GRIK3: variants seen among roughly 807,000 people sequenced by gnomAD.
The protein encoded by GRIK3 is glutamate receptor ionotropic, kainate 3.
In GRIK3, 29 loss-of-function variants were observed where a neutral mutation model predicts 102.5. The ratio of observed to expected loss-of-function variants is 0.28; its 90% confidence interval spans 0.21 to 0.39. GRIK3 has a LOEUF of 0.39. GRIK3 is among the 10% of genes least tolerant of loss of function. The pLI is 1.00. For synonymous variants in GRIK3, 511 were observed against 504.9 expected (o/e 1.01, Z -0.16); for missense variants, 908 against 1,252.4 (o/e 0.73, Z 4.15).
intron 1 of GRIK3, among the ~76,000 whole-genome samples, chr1:36,892,551 A>G (rs965472895): frequency 2.0e-5 from 3 of 152,062 alleles, no homozygotes; most frequent in African/African-American, 4.8e-5. Flanking sequence ...AGATATAAAC[A>G]TAGCCTTAAA....
intron 1 of GRIK3, among the ~76,000 whole-genome samples, chr1:36,988,537 G>A (rs1267105755): frequency 2.6e-5 from 4 of 152,266 alleles, no homozygotes; most frequent in Admixed American, 1.3e-4. Flanking sequence ...AGCCCTTTCC[G>A]TGGGAGGACT....
intron 1 of GRIK3, among the ~76,000 whole-genome samples, chr1:36,915,049 A>T (rs1400596492): frequency 1.3e-5 from 2 of 152,168 alleles, no homozygotes; most frequent in African/African-American, 4.8e-5. Context: ...ATTCTGAGCG[A>T]CCTTGTCCTT....
At chr1:36,881,431 C>G (rs1640975735) in intron 2 of GRIK3, among the ~76,000 whole-genome samples, 2 of 152,128 alleles carry the variant, frequency 1.3e-5, no homozygotes, top group African/African-American at 4.8e-5. Flanking sequence ...ACCTCCTTCA[C>G]CTCCATAAAC....
intron 1 of GRIK3, among the ~76,000 whole-genome samples, chr1:36,950,978 T>G (rs1014809997): frequency 6.6e-6 from 1 of 152,100 alleles, no homozygotes; most frequent in Admixed American, 6.5e-5. Context: ...GGGCCCCAGG[T>G]TTTTCTAAAT....
chr1:36,945,414 A>C (rs1450167921), intron 1 of GRIK3, among the ~76,000 whole-genome samples: 1 of 152,220 alleles, frequency 6.6e-6, no homozygotes, highest in Non-Finnish European at 1.5e-5. Context: ...ATGGGCTCTC[A>C]GGCCTCTGGG....
At chr1:37,032,777 C>T (rs980681173) in intron 1 of GRIK3, among the ~76,000 whole-genome samples, 1 of 152,164 alleles carries the variant, frequency 6.6e-6, no homozygotes, top group Admixed American at 6.5e-5. Context: ...CAAGAGGGTC[C>T]GGCTCCCGGG....
chr1:37,025,833 T>C lies in GRIK3; in HGVS notation c.115+8161A>G, dbSNP rs569400369. Among the ~76,000 whole-genome samples the C allele has an allele frequency of 4.6e-5, 7 of 152,328 alleles. No individual in the cohort carries two copies. The South Asian group carries it at 1.2e-3, about 27-fold the overall frequency. Reference sequence around the variant, plus strand: ...AATCTTAGTTCCTTCTTGCTGCTTTTCCCTGCTCTGCTATCCTTAACTACC... The same window carrying C: ...AATCTTAGTTCCTTCTTGCTGCTTTCCCCTGCTCTGCTATCCTTAACTACC... On this transcript the variant is annotated intron_variant, in intron 1 of 15. Transcript: ENST00000373091.
At chr1:36,829,082 T>C (rs1642785865) in intron 10 of GRIK3, among the ~76,000 whole-genome samples, 1 of 152,226 alleles carries the variant, frequency 6.6e-6, no homozygotes, top group Non-Finnish European at 1.5e-5. Flanking sequence ...GGATCTGTGT[T>C]CTCCCTTGGG....
In GRIK3 at chr1:36,880,652, C is replaced by G. The variant is rs1448606740; in HGVS notation, c.532G>C (p.Val178Leu). ...QYLKWRSATVVYDDSTGLIRL... is the reference protein window; with the variant it reads ...QYLKWRSATVLYDDSTGLIRL... ...CACCCACCTGTACTGTCGTCATAGACCACGGTGGCTGACCGCCACTTGAGG... is the reference window on the plus strand; with the variant it reads ...CACCCACCTGTACTGTCGTCATAGAGCACGGTGGCTGACCGCCACTTGAGG... Residue 178 changes from valine (V) to leucine (L), a missense_variant, in exon 3 of 16, where the codon GTC becomes CTC. By Grantham distance (32) the Val-to-Leu change is conservative. This residue lies in a region of GRIK3 where 585 missense variants were observed against 824.9 expected (regional missense o/e 0.71). Transcript: ENST00000373091. The surrounding 1 kb of genome is among the most constrained non-coding windows in gnomAD (Gnocchi z 5.4). 29 of 1,614,160 alleles carry G rather than the reference C, an allele frequency of 1.8e-5. No individual in the cohort carries two copies. The highest frequency in any genetic ancestry group is 2.4e-5 in the Non-Finnish European group (28 of 1,179,996).
chr1:36,859,851 A>G lies in GRIK3; in HGVS notation c.953T>C (p.Val318Ala). The stretch of plus-strand genomic sequence containing the variant: ...CTCACCCAGCCGCCTTACCATCATC[A>G]CTCCATCCAGCAGGCCAGACTCGGA... ...PRSESGLLDGVMMTDAALLYD... is the reference protein window; with the variant it reads ...PRSESGLLDGAMMTDAALLYD... Residue 318 changes from valine (V) to alanine (A), a missense_variant, in exon 6 of 16, where the codon GTG becomes GCG. Val to Ala is a moderately conservative substitution (Grantham distance 64). Coordinates refer to ENST00000373091, the MANE Select transcript of GRIK3 (RefSeq NM_000831.4). 1 of 1,612,910 alleles carries G rather than the reference A, an allele frequency of 6.2e-7. No individual in the cohort carries two copies. The highest frequency in any genetic ancestry group is 8.5e-7 in the Non-Finnish European group (1 of 1,179,296).
chr1:36,987,875 T>C (rs990832314), intron 1 of GRIK3, among the ~76,000 whole-genome samples: 4 of 152,140 alleles, frequency 2.6e-5, no homozygotes, highest in African/African-American at 9.7e-5. Flanking sequence ...CTTTGCACAA[T>C]GATCAGGGAC....
intron 1 of GRIK3, among the ~76,000 whole-genome samples, chr1:36,923,311 G>T (rs754912900): frequency 3.3e-5 from 5 of 152,208 alleles, no homozygotes; most frequent in Admixed American, 6.5e-5. Flanking sequence ...GCAGCAGCAG[G>T]GGGTAGAGGG....
chr1:36,880,948 C>A lies in GRIK3; in HGVS notation c.293-57G>T. On this transcript the variant is annotated intron_variant, in intron 2 of 15. Coordinates refer to ENST00000373091, the MANE Select transcript of GRIK3 (RefSeq NM_000831.4). This position sits in a 1 kb window ranked among gnomAD's most constrained non-coding sequence, Gnocchi z 5.4. The stretch of plus-strand genomic sequence containing the variant: ...AGCACTGGGGCTGTGGGTATGGGGA[C>A]AGTGATGCTGATGATCCTGTAAACA... 1.3e-6 allele frequency: 2 copies of A among 1,523,332 alleles called. No individual in the cohort carries two copies. Among genetic ancestry groups the A allele is most frequent in the Non-Finnish European group, 8.9e-7 (1 of 1,128,176 alleles). 94.4% of individuals were successfully genotyped at this position (1,523,332 alleles called of 1,614,324 possible).
intron 1 of GRIK3, among the ~76,000 whole-genome samples, chr1:36,987,200 C>A (rs1228567608): frequency 6.6e-6 from 1 of 151,256 alleles, no homozygotes; most frequent in Admixed American, 6.6e-5. Flanking sequence ...AGGTGGGCAG[C>A]ACTGAGGTTC....
intron 1 of GRIK3, among the ~76,000 whole-genome samples, chr1:37,023,356 G>C (rs1243673850): frequency 1.3e-5 from 2 of 151,892 alleles, no homozygotes; most frequent in Admixed American, 6.6e-5. Context: ...AAAGAAAAAG[G>C]AAAGAAAAAA....
In GRIK3 at chr1:36,934,748, G is replaced by T. The variant is rs185591773; in HGVS notation, c.116-43652C>A. ...AATGGAAACACATTTAATGTGGGAAGATGGAGCAGGGGAGTTCAGCATACA... is the reference window on the plus strand; with the variant it reads ...AATGGAAACACATTTAATGTGGGAATATGGAGCAGGGGAGTTCAGCATACA... On this transcript the variant is annotated intron_variant, in intron 1 of 15. Transcript: ENST00000373091. Among the ~76,000 whole-genome samples, 37 of 152,348 alleles carry T rather than the reference G, an allele frequency of 2.4e-4. No homozygotes were observed. In the East Asian group the frequency reaches 6.9e-3, roughly 29 times the overall value.
At chr1:36,918,956 C>T (rs921433157) in intron 1 of GRIK3, among the ~76,000 whole-genome samples, 2 of 152,218 alleles carry the variant, frequency 1.3e-5, no homozygotes, top group African/African-American at 2.4e-5. Context: ...ACTGGAGATA[C>T]AGCGCTGAAC....
intron 1 of GRIK3, among the ~76,000 whole-genome samples, chr1:36,897,217 C>A (rs188940101): frequency 6.6e-6 from 1 of 152,212 alleles, no homozygotes; most frequent in East Asian, 1.9e-4. Context: ...TGTCTGTCTG[C>A]AGATAATATG....
At position 36,850,901 on chromosome 1, in the gene GRIK3, C is replaced by T. The variant is rs1640577449; in HGVS notation, c.1213-477G>A. ...TGCTGCTGGGTTTAAAGGCAGTTTG[C>T]TTTGTGGTTTTACATTTAAAACTGG... On this transcript the variant is annotated intron_variant, in intron 8 of 15. Transcript: ENST00000373091. This position sits in a 1 kb window ranked among gnomAD's most constrained non-coding sequence, Gnocchi z 4.0. Among the ~76,000 whole-genome samples the T allele has an allele frequency of 1.3e-5, 2 of 152,170 alleles. No individual in the cohort carries two copies. The highest frequency in any genetic ancestry group is 1.3e-4 in the Admixed American group (2 of 15,276).
Sources: allele counts gnomAD v4.1 joint callset (sites outside exome capture counted in the v4.1 genomes callset), GRCh38; gene constraint gnomAD v4.1.1; regional missense constraint gnomAD v4.1.1; non-coding constraint Gnocchi (gnomAD v3.1); transcripts MANE v1.5; gene names NCBI Gene and HGNC (gene_info 2026-07-23, HGNC 2026-07-21).